The following CSMD1 variants were observed in gnomAD, a reference collection of about 807,000 sequenced individuals.
CSMD1 encodes the protein CUB and sushi domain-containing protein 1.
CSMD1 carries 213 observed loss-of-function variants against 417.5 expected under a neutral mutation model. That is an observed-to-expected ratio of 0.51 (90% CI 0.46 to 0.57). The LOEUF is 0.57. CSMD1 is among the 20% of genes least tolerant of loss of function. The pLI, the probability that CSMD1 is intolerant of heterozygous loss-of-function variation, is 0.00. For missense variants in CSMD1, 6,923 were observed against 4,529.7 expected (o/e 1.53, Z -15.17); for synonymous variants, 2,862 against 1,736.8 (o/e 1.65, Z -16.11).
In CSMD1 at chr8:4,348,250, CTCTT is replaced by C. The variant is rs1245335248; in HGVS notation, c.415+71699_415+71702del. ...ATGCATACTAAGTGCTCTTGACTAT[CTCTT>C]CATGTCTAAGGGGAAGGTAGATATA... On this transcript the variant is annotated intron_variant, in intron 3 of 69. Transcript: ENST00000635120. Among the ~76,000 whole-genome samples, 3 of 152,062 alleles carry C rather than the reference CTCTT, an allele frequency of 2.0e-5. No homozygotes were observed. In the East Asian group the frequency reaches 5.8e-4, roughly 29 times the overall value.
intron 3 of CSMD1, among the ~76,000 whole-genome samples, chr8:4,413,809 T>C (rs1796782378): frequency 6.6e-6 from 1 of 152,262 alleles, no homozygotes; most frequent in East Asian, 1.9e-4. Flanking sequence ...AGCCTAGAGA[T>C]AACTAAGGTG....
chr8:4,461,551 TGGGTGG>T (rs1489137304), intron 2 of CSMD1, among the ~76,000 whole-genome samples: 2 of 69,496 alleles, frequency 2.9e-5, no homozygotes, highest in Non-Finnish European at 5.6e-5. Context: ...TTTTTTTTGG[TGGGTGG>T]GGGTGGGGTG....
intron 12 of CSMD1, among the ~76,000 whole-genome samples, chr8:3,412,231 C>T (rs982813274): frequency 6.6e-6 from 1 of 150,862 alleles, no homozygotes; most frequent in African/African-American, 2.4e-5. Flanking sequence ...TCTTTATCCA[C>T]TCATTGATTG....
chr8:4,538,379 A>C (rs1460556617), intron 2 of CSMD1, among the ~76,000 whole-genome samples: 2 of 151,922 alleles, frequency 1.3e-5, no homozygotes, highest in Non-Finnish European at 2.9e-5. Context: ...GCGATGGCTT[A>C]TGCCTGTAAT....
At chr8:4,395,173 C>G (rs1396181461) in intron 3 of CSMD1, among the ~76,000 whole-genome samples, 1 of 152,162 alleles carries the variant, frequency 6.6e-6, no homozygotes, top group Non-Finnish European at 1.5e-5. Flanking sequence ...TTAGAACAAC[C>G]CCTCCTCTTT....
chr8:4,355,564 G>GC (rs1180123165), intron 3 of CSMD1, among the ~76,000 whole-genome samples: 2 of 152,110 alleles, frequency 1.3e-5, no homozygotes, highest in Non-Finnish European at 2.9e-5. Context: ...AATAACAACT[G>GC]CAACAAAACT....
chr8:4,935,416 T>G (rs1277923760), intron 1 of CSMD1, among the ~76,000 whole-genome samples: 2 of 152,200 alleles, frequency 1.3e-5, no homozygotes, highest in Non-Finnish European at 2.9e-5. Context: ...TGTGTTGAAG[T>G]TACCGGTTCA....
In CSMD1 at chr8:3,770,230, C is replaced by G. The variant is rs144402910; in HGVS notation, c.819-16188G>C. ...CTACACATGGCTTCTTTCCTTGGTG[C>G]AAGAAAATACTAGGCAACTGGGCAC... On this transcript the variant is annotated intron_variant, in intron 5 of 69. Coordinates refer to ENST00000635120, the MANE Select transcript of CSMD1 (RefSeq NM_033225.6). Among the ~76,000 whole-genome samples the G allele has an allele frequency of 1.5e-3, 233 of 152,210 alleles. 1 individual carries two copies. Among genetic ancestry groups the G allele is most frequent in the Admixed American group, 2.9e-3 (45 of 15,296 alleles).
chr8:4,717,036 C>G (rs1808701993), intron 1 of CSMD1, among the ~76,000 whole-genome samples: 1 of 151,910 alleles, frequency 6.6e-6, no homozygotes, highest in African/African-American at 2.4e-5. Flanking sequence ...CCTCTTTATT[C>G]CTGAATATCA....
intron 3 of CSMD1, among the ~76,000 whole-genome samples, chr8:4,284,448 G>A (rs750997285): frequency 1.5e-5 from 2 of 133,762 alleles, no homozygotes; most frequent in Admixed American, 9.3e-5. Flanking sequence ...TCCACTCCGT[G>A]TTCCCTCCCC....
intron 3 of CSMD1, among the ~76,000 whole-genome samples, chr8:4,302,806 A>G (rs887211533): frequency 6.6e-6 from 1 of 152,154 alleles, no homozygotes. Context: ...TACAAGCCAG[A>G]GAGTGAAGTC....
intron 20 of CSMD1, among the ~76,000 whole-genome samples, chr8:3,361,318 C>G (rs1333954992): frequency 6.6e-6 from 1 of 152,018 alleles, no homozygotes; most frequent in African/African-American, 2.4e-5. Flanking sequence ...CCATACATTT[C>G]CTGTCATTTC....
At chr8:3,773,316 C>T (rs1445745365) in intron 5 of CSMD1, among the ~76,000 whole-genome samples, 2 of 152,142 alleles carry the variant, frequency 1.3e-5, no homozygotes, top group Non-Finnish European at 2.9e-5. Context: ...TGGGGTCTTG[C>T]CCTGTCACCC....
At chr8:3,130,831 A>T (rs932537597) in intron 41 of CSMD1, among the ~76,000 whole-genome samples, 3 of 152,170 alleles carry the variant, frequency 2.0e-5, no homozygotes, top group Non-Finnish European at 4.4e-5. Context: ...GCACGGCTGC[A>T]GCCTCTATGG....
Position 3,955,698 on chromosome 8 carries a change from T to C in CSMD1, c.818+42205A>G, listed in dbSNP as rs147215278. 5.0e-3 allele frequency among the ~76,000 whole-genome samples: 763 copies of C among 152,202 alleles called. 2 individuals carry two copies. Among genetic ancestry groups the C allele is most frequent in the Middle Eastern group, 0.014 (4 of 294 alleles). ...TCAGAGGATGAGGAAAGAGGATGAA[T>C]ACGTGGACACAAAGATTCTTCGAGA... On this transcript the variant is annotated intron_variant, in intron 5 of 69. Coordinates refer to ENST00000635120, the MANE Select transcript of CSMD1 (RefSeq NM_033225.6).
At chr8:3,824,656 T>G (rs1490786775) in intron 5 of CSMD1, among the ~76,000 whole-genome samples, 1 of 152,216 alleles carries the variant, frequency 6.6e-6, no homozygotes, top group Non-Finnish European at 1.5e-5. Context: ...ATAGCATTTG[T>G]TATATATTGA....
chr8:4,430,534 G>C (rs1652541), intron 2 of CSMD1, among the ~76,000 whole-genome samples: 2 of 152,054 alleles, frequency 1.3e-5, no homozygotes, highest in African/African-American at 2.4e-5. Context: ...CACTCTGATA[G>C]ACACTACTCT....
rs533973692 is a variant in CSMD1, at chr8:4,992,904, A to G, written c.85+1428T>C. On this transcript the variant is annotated intron_variant, in intron 1 of 69. Coordinates refer to ENST00000635120, the MANE Select transcript of CSMD1 (RefSeq NM_033225.6). ...GATCTCGGGGCGCATTCCCGCAGAC[A>G]CCCCCTTGTGAGGGTGGATGCCGGT... Among the ~76,000 whole-genome samples the G allele has an allele frequency of 3.3e-5, 5 of 152,106 alleles. No individual in the cohort carries two copies. In the South Asian group the frequency reaches 8.3e-4, roughly 25 times the overall value.
intron 12 of CSMD1, among the ~76,000 whole-genome samples, chr8:3,435,259 A>G (rs918863613): frequency 6.6e-6 from 1 of 152,150 alleles, no homozygotes; most frequent in Non-Finnish European, 1.5e-5. Context: ...GACAGTTAAT[A>G]TGTGTTTTCA....
Sources: allele counts gnomAD v4.1 joint callset (sites outside exome capture counted in the v4.1 genomes callset), GRCh38; gene constraint gnomAD v4.1.1; transcripts MANE v1.5; gene names NCBI Gene and HGNC (gene_info 2026-07-23, HGNC 2026-07-21).